TSHZ3: variants seen among roughly 807,000 people sequenced by gnomAD.
The protein encoded by TSHZ3 is teashirt zinc finger homeobox 3, also known as teashirt homolog 3.
In TSHZ3, 10 loss-of-function variants were observed where a neutral mutation model predicts 64.5. The ratio of observed to expected loss-of-function variants is 0.16; its 90% CI spans 0.10 to 0.26. The LOEUF is 0.26. Ranked by LOEUF, TSHZ3 falls within the 10% of genes least tolerant of loss-of-function variation. The pLI, the probability that TSHZ3 is intolerant of heterozygous loss-of-function variation, is 1.00. For synonymous variants in TSHZ3, 608 were observed against 593.1 expected, an observed-to-expected ratio of 1.03 and a Z score of -0.36; for missense variants, 1,242 against 1,421.7, an observed-to-expected ratio of 0.87 and a Z score of 2.03.
At position 31,277,857 on chromosome 19, in the gene TSHZ3, A is replaced by G. The variant is rs773338367; in HGVS notation, c.1936T>C (p.Cys646Arg). The part of the protein sequence containing the change: ...SPPKRATPSP[C>R]SSEVGEPIKM... The stretch of plus-strand genomic sequence containing the variant: ...ATGGGTTCCCCGACTTCGCTGCTAC[A>G]TGGGGAGGGAGTGGCCCGCTTGGGC... The change falls in exon 2 of 2, where the codon TGT becomes CGT. Residue 646 changes from cysteine (C) to arginine (R), a missense_variant. Physicochemically the swap from Cys to Arg is radical, Grantham distance 180. This residue lies in a region of TSHZ3 where 550 missense variants were observed against 545.1 expected (regional missense o/e 1.01). Transcript: ENST00000240587. The surrounding 1 kb of genome is among the most constrained non-coding windows in gnomAD (Gnocchi z 4.5). 14 of 1,598,100 alleles carry G rather than the reference A, an allele frequency of 8.8e-6. No homozygotes were observed. Among genetic ancestry groups the G allele is most frequent in the Non-Finnish European group, 1.1e-5 (13 of 1,173,530 alleles).
chr19:31,168,918 G>A (rs1014175362), intron 5 of TSHZ3, among the ~76,000 whole-genome samples: 3 of 152,172 alleles, frequency 2.0e-5, no homozygotes, highest in Non-Finnish European at 4.4e-5. Flanking sequence ...ATAAGCTTGA[G>A]TCTCCATGCA....
chr19:31,213,085 G>A (rs1025242944), intron 4 of TSHZ3, among the ~76,000 whole-genome samples: 2 of 152,018 alleles, frequency 1.3e-5, no homozygotes, highest in Admixed American at 6.6e-5. Flanking sequence ...ACTGGGTGCG[G>A]TGGCTCAAGA....
At chr19:31,290,889 C>A (rs1976554221) in intron 1 of TSHZ3, among the ~76,000 whole-genome samples, 1 of 152,170 alleles carries the variant, frequency 6.6e-6, no homozygotes, top group African/African-American at 2.4e-5. Context: ...ATTGATTGCT[C>A]TTCCCACTAG....
At chr19:31,206,201 A>G (rs944543543) in intron 4 of TSHZ3, among the ~76,000 whole-genome samples, 5 of 152,004 alleles carry the variant, frequency 3.3e-5, no homozygotes, top group African/African-American at 1.2e-4. Context: ...GGATGACTGG[A>G]TGAATGAATA....
At chr19:31,184,051 C>T (rs1303779294) in intron 5 of TSHZ3, among the ~76,000 whole-genome samples, 2 of 151,874 alleles carry the variant, frequency 1.3e-5, no homozygotes, top group Non-Finnish European at 2.9e-5. Flanking sequence ...ATATTATGAC[C>T]GTGATATAGT....
chr19:31,187,784 CT>C (rs1363331423), intron 5 of TSHZ3, among the ~76,000 whole-genome samples: 1 of 152,084 alleles, frequency 6.6e-6, no homozygotes, highest in Non-Finnish European at 1.5e-5. Context: ...TTCACTTAAT[CT>C]ATTTGTCTGT....
At chr19:31,200,019 A>G (rs953301849) in intron 5 of TSHZ3, among the ~76,000 whole-genome samples, 1 of 151,804 alleles carries the variant, frequency 6.6e-6, no homozygotes, top group East Asian at 1.9e-4. Flanking sequence ...GCAATTACAT[A>G]CCTCTATATA....
intron 5 of TSHZ3, among the ~76,000 whole-genome samples, chr19:31,196,964 A>G (rs1026522149): frequency 5.9e-5 from 9 of 151,992 alleles, no homozygotes; most frequent in African/African-American, 2.2e-4. Flanking sequence ...AACTGTATAT[A>G]ATTAATATCT....
chr19:31,195,880 T>C (rs1304839899), intron 5 of TSHZ3, among the ~76,000 whole-genome samples: 1 of 151,998 alleles, frequency 6.6e-6, no homozygotes, highest in Non-Finnish European at 1.5e-5. Context: ...TGAGGATACT[T>C]TTTGAGAAAT....
exon 7 of TSHZ3, among the ~76,000 whole-genome samples, chr19:31,150,925 G>A (rs1299455200): frequency 6.6e-6 from 1 of 152,128 alleles, no homozygotes; most frequent in Non-Finnish European, 1.5e-5. Context: ...CAAGGCAACA[G>A]AGGCCACCAA....
chr19:31,332,096 A>C (rs900956864), intron 1 of TSHZ3, among the ~76,000 whole-genome samples: 21 of 152,214 alleles, frequency 1.4e-4, no homozygotes, highest in African/African-American at 4.8e-4. Flanking sequence ...GAGCAAAAGA[A>C]GACCCTTTTT....
In TSHZ3 at chr19:31,278,425, G is replaced by A. The variant is rs779486324; in HGVS notation, c.1368C>T (p.Ser456=). 5 of 1,614,144 alleles carry A rather than the reference G, an allele frequency of 3.1e-6. No individual in the cohort carries two copies. Among genetic ancestry groups the A allele is most frequent in the East Asian group, 2.2e-5 (1 of 44,858 alleles). Residue 456 remains serine, a synonymous_variant, in exon 2 of 2, where the codon TCC becomes TCT. Transcript: ENST00000240587. This position sits in a 1 kb window ranked among gnomAD's most constrained non-coding sequence, Gnocchi z 4.7. ...TTGGGGAGATGCTGGCAGGTGTATT[G>A]GAGGGGGACGTGAAGGTGGTGGCTG... ...PLAATTFTSP[S]NTPASISPKL... is the part of the protein sequence containing the mutation.
intron 6 of TSHZ3, among the ~76,000 whole-genome samples, chr19:31,152,304 G>A (rs953043246): frequency 2.6e-5 from 4 of 152,110 alleles, no homozygotes; most frequent in South Asian, 2.1e-4. Flanking sequence ...GTGTGTGTGT[G>A]TGTGCATGTT....
Position 31,277,648 on chromosome 19 carries a change from T to C in TSHZ3, c.2145A>G (p.Glu715=). 6.5e-7 allele frequency: 1 copy of C among 1,541,076 alleles called. No homozygotes were observed. Among genetic ancestry groups the C allele is most frequent in the Non-Finnish European group, 8.7e-7 (1 of 1,144,712 alleles). Residue 715 remains glutamate, a synonymous_variant, in exon 2 of 2, where the codon GAA becomes GAG. Coordinates refer to ENST00000240587, the MANE Select transcript of TSHZ3 (RefSeq NM_020856.4). This position sits in a 1 kb window ranked among gnomAD's most constrained non-coding sequence, Gnocchi z 4.5. ...STAIITDHPP[E]QPFVNPLSAL... ...CGCTCAAAGGGTTAACAAAAGGCTG[T>C]TCAGGCGGGTGGTCGGTGATGATGG...
intron 1 of TSHZ3, among the ~76,000 whole-genome samples, chr19:31,250,731 T>C (rs1187189758): frequency 6.6e-6 from 1 of 152,210 alleles, no homozygotes; most frequent in Non-Finnish European, 1.5e-5. Context: ...TCATCTCATC[T>C]GTGAAGTGGG....
intron 1 of TSHZ3, among the ~76,000 whole-genome samples, chr19:31,242,946 A>G (rs1599601398): frequency 6.6e-6 from 1 of 152,154 alleles, no homozygotes; most frequent in Admixed American, 6.5e-5. Context: ...AGCAGATTGG[A>G]TGGTGCCTGC....
chr19:31,222,979 A>G (rs1424824357), intron 4 of TSHZ3, among the ~76,000 whole-genome samples: 1 of 152,192 alleles, frequency 6.6e-6, no homozygotes, highest in East Asian at 1.9e-4. Context: ...GAAAGCCATC[A>G]AGGCCACTTG....
chr19:31,279,842 T>A lies in TSHZ3; in HGVS notation c.41-90A>T. 8.3e-7 allele frequency: 1 copy of A among 1,204,460 alleles called. No homozygotes were observed. The highest frequency in any genetic ancestry group is 1.1e-6 in the Non-Finnish European group (1 of 903,324). 74.6% of individuals were successfully genotyped at this position (1,204,460 alleles called of 1,614,324 possible). On this transcript the variant is annotated intron_variant, in intron 1 of 1. Coordinates refer to ENST00000240587, the MANE Select transcript of TSHZ3 (RefSeq NM_020856.4). The surrounding 1 kb of genome is among the most constrained non-coding windows in gnomAD (Gnocchi z 6.4). ...AGAGAAAGAAAAAAAAAAGCATTAG[T>A]ACTTGTTGATCTTACCTAGAATATG...
At chr19:31,176,675 AG>A (rs1464829708) in intron 5 of TSHZ3, among the ~76,000 whole-genome samples, 1 of 152,202 alleles carries the variant, frequency 6.6e-6, no homozygotes, top group African/African-American at 2.4e-5. Flanking sequence ...CTATAGTCCC[AG>A]CTCCTAGGGA....
Sources: allele counts gnomAD v4.1 joint callset (sites outside exome capture counted in the v4.1 genomes callset), GRCh38; gene constraint gnomAD v4.1.1; regional missense constraint gnomAD v4.1.1; non-coding constraint Gnocchi (gnomAD v3.1); transcripts MANE v1.5; gene names NCBI Gene and HGNC (gene_info 2026-07-23, HGNC 2026-07-21).